The following MDK variants were observed in gnomAD, a reference collection of about 807,000 sequenced individuals.
The protein encoded by MDK is amphiregulin-associated protein.
Under a neutral mutation model 18.9 loss-of-function variants are expected in MDK, and 17 were observed. The observed-to-expected ratio is 0.90, with a 90% CI of 0.62 to 1.35. The LOEUF (loss-of-function observed/expected upper bound fraction) is 1.35. Ranked by LOEUF, MDK falls within the 40% of genes most tolerant of loss-of-function variation. The pLI is 0.00. For missense variants in MDK, 180 were observed against 186.3 expected, an observed-to-expected ratio of 0.97 and a Z score of 0.20; for synonymous variants, 86 against 74.3, an observed-to-expected ratio of 1.16 and a Z score of -0.81.
chr11:46,382,415 G>C lies in MDK; in HGVS notation c.198G>C (p.Gln66His). The C allele has an allele frequency of 6.5e-7, 1 of 1,541,146 alleles. No individual in the cohort carries two copies. The highest frequency in any genetic ancestry group is 1.2e-5 in the South Asian group (1 of 80,382). ...FREGTCGAQTQRIRCRVPCNW... is the reference protein window; with the variant it reads ...FREGTCGAQTHRIRCRVPCNW... ...AGGGCACCTGCGGGGCCCAGACCCA[G>C]CGCATCCGGTGCAGGGTGCCCTGCA... is the stretch of plus-strand genomic sequence containing the variant. Residue 66 changes from glutamine (Q) to histidine (H), a missense_variant, in exon 3 of 5, where the codon CAG (glutamine) becomes CAC (histidine). Physicochemically the swap from Gln to His is conservative, Grantham distance 24. Coordinates refer to ENST00000395566, the MANE Select transcript of MDK (RefSeq NM_002391.6).
At chr11:46,382,857 G>A in intron 4 of MDK, 109 bp downstream of exon 4, 2 of 1,308,190 alleles carry the variant, frequency 1.5e-6, no homozygotes, top group Non-Finnish European at 2.1e-6. Flanking sequence ...GTCCTGGCCA[G>A]TGGCTTCCTG....
Position 46,382,474 on chromosome 11 carries a change from GCAGT to G in MDK, c.244+17_244+20del, listed in dbSNP as rs1945236811. On this transcript the variant is annotated intron_variant, in intron 3 of 4. Coordinates refer to ENST00000395566, the MANE Select transcript of MDK (RefSeq NM_002391.6). ...AAGGAGTTTGGAGGTGAGGCGGGGC[GCAGT>G]CAGAGGGCAGGAGACGGGGGGCACA... 1 of 1,519,098 alleles carries G rather than the reference GCAGT, an allele frequency of 6.6e-7. No individual in the cohort carries two copies. The highest frequency in any genetic ancestry group is 1.4e-5 in the African/African-American group (1 of 72,600). 94.1% of individuals were successfully genotyped at this position (1,519,098 alleles called of 1,614,324 possible). A position where few individuals can be genotyped will look rare whatever the true frequency, so the allele number is the denominator to read the frequency against.
At position 46,383,405 on chromosome 11, in the gene MDK, G is replaced by C. The variant is rs1034148933; in HGVS notation, c.407-64G>C. The C allele has an allele frequency of 8.4e-6, 11 of 1,315,796 alleles. No individual in the cohort carries two copies. The East Asian group carries it at 9.4e-5, about 11-fold the overall frequency. 81.5% of individuals were successfully genotyped at this position (1,315,796 alleles called of 1,614,324 possible). ...CTGATGCCCGGGTGTTTGTGGAGCC[G>C]GCGGTCTGCAATGGGTCAGCCTAAC... is the stretch of plus-strand genomic sequence containing the variant. On this transcript the variant is annotated intron_variant, in intron 4 of 4. Coordinates refer to ENST00000395566, the MANE Select transcript of MDK (RefSeq NM_002391.6).
In MDK at chr11:46,383,635, T is replaced by A; in HGVS notation, c.*141T>A. 1 of 811,238 alleles carries A rather than the reference T, an allele frequency of 1.2e-6. No homozygotes were observed. Among genetic ancestry groups the A allele is most frequent in the Non-Finnish European group, 2.1e-6 (1 of 473,746 alleles). The allele number at this position is 811,238 out of a possible 1,614,324, so 50.3% of individuals were successfully genotyped here. A position where few individuals can be genotyped will look rare whatever the true frequency, so the allele number is the denominator to read the frequency against. ...AATCAATCATGCCCTGCCTTGTCCC[T>A]CTCACTCCCCAGCCCCACCCCTAAG... is the stretch of plus-strand genomic sequence containing the variant. On this transcript the variant is annotated 3_prime_UTR_variant, in exon 5 of 5. Coordinates refer to ENST00000395566, the MANE Select transcript of MDK (RefSeq NM_002391.6).
Position 46,383,483 on chromosome 11 carries a change from G to T in MDK, c.421G>T (p.Gly141Ter), listed in dbSNP as rs747235575. ...TTGTTTTACAGCCAAGAAAGGGAAG[G>T]GAAAGGACTAGACGCCAAGCCTGGA... ...KAKAKAKKGK[G>*]KD Residue 141 changes from glycine (G) to a stop codon, truncating the protein, a stop_gained, in exon 5 of 5, where the codon GGA (glycine) becomes TGA (stop). Transcript: ENST00000395566. LOFTEE classifies it high-confidence loss of function. 2 of 1,605,030 alleles carry T rather than the reference G, an allele frequency of 1.2e-6. No individual in the cohort carries two copies. The highest frequency in any genetic ancestry group is 8.5e-7 in the Non-Finnish European group (1 of 1,175,182).
In MDK at chr11:46,381,770, G is replaced by A. The variant is rs1439872701; in HGVS notation, c.-2+12G>A. 3 of 285,628 alleles carry A rather than the reference G, an allele frequency of 1.1e-5. No individual in the cohort carries two copies. Among genetic ancestry groups the A allele is most frequent in the Non-Finnish European group, 1.9e-5 (3 of 154,736 alleles). The allele number at this position is 285,628 out of a possible 1,614,324, so 17.7% of individuals were successfully genotyped here. A position where few individuals can be genotyped will look rare whatever the true frequency, so the allele number is the denominator to read the frequency against. On this transcript the variant is annotated intron_variant, in intron 1 of 4. Transcript: ENST00000395566. The stretch of plus-strand genomic sequence containing the variant: ...CGGGCAGCGAGCGAGTGAGCGCGCG[G>A]CGGCCCCTGGTCCGCCCGGCCGCGG...
intron 3 of MDK, 43 bp from the exon 4 acceptor site, chr11:46,382,544 G>A (rs1344404008): frequency 1.1e-5 from 18 of 1,569,628 alleles, no homozygotes; most frequent in Non-Finnish European, 1.5e-5. Flanking sequence ...GGAGGGCGGG[G>A]CCGCGGGCCG....
At chr11:46,381,197 C>G (rs1272540714), upstream of MDK, 2 of 152,380 alleles carry the variant, frequency 1.3e-5, no homozygotes, top group Non-Finnish European at 2.9e-5. Flanking sequence ...GGCCGCGCCC[C>G]CTCCCCAGCA....
chr11:46,380,992 T>A (rs1019471690), upstream of MDK: 14 of 152,492 alleles, frequency 9.2e-5, no homozygotes, highest in Middle Eastern at 3.4e-3. Context: ...AGACGGCTCC[T>A]GTCAGCGCCA....
chr11:46,383,352 C>G lies in MDK; in HGVS notation c.407-117C>G, dbSNP rs1010299914. 6 of 759,246 alleles carry G rather than the reference C, an allele frequency of 7.9e-6. No homozygotes were observed. The African/African-American group carries it at 1.1e-4, about 13-fold the overall frequency. 47.0% of individuals were successfully genotyped at this position (759,246 alleles called of 1,614,324 possible). A position where few individuals can be genotyped will look rare whatever the true frequency, so the allele number is the denominator to read the frequency against. ...TGCTTCCGAGTCAGCTGATTGGAAA[C>G]CACTAGGGGGCAGAATCTTCTCCTT... On this transcript the variant is annotated intron_variant, in intron 4 of 4. Coordinates refer to ENST00000395566, the MANE Select transcript of MDK (RefSeq NM_002391.6).
At chr11:46,382,969 T>C (rs1379793788) in intron 4 of MDK, 1 of 599,816 alleles carries the variant, frequency 1.7e-6, no homozygotes, top group Non-Finnish European at 3.0e-6. Flanking sequence ...CTGGCCCAAA[T>C]AGGGACCAAC....
At chr11:46,382,495 G>C (rs760416643) in intron 3 of MDK, 34 bp downstream of exon 3, 168 of 1,529,410 alleles carry the variant, frequency 1.1e-4, no homozygotes, top group Non-Finnish European at 1.4e-4. Flanking sequence ...GCAGGAGACG[G>C]GGGGCACAGC....
chr11:46,382,064 C>G lies in MDK; in HGVS notation c.7C>G (p.His3Asp). 1 of 1,607,640 alleles carries G rather than the reference C, an allele frequency of 6.2e-7. No homozygotes were observed. Among genetic ancestry groups the G allele is most frequent in the Non-Finnish European group, 8.5e-7 (1 of 1,177,798 alleles). ...CTCGGGCTCTCCCCTCAGGATGCAG[C>G]ACCGAGGCTTCCTCCTCCTCACCCT... MQ[H>D]RGFLLLTLLA... The change falls in exon 2 of 5, where the codon CAC becomes GAC. Residue 3 changes from histidine to aspartate, a missense_variant. Transcript: ENST00000395566.
upstream of MDK, chr11:46,381,438 C>T (rs111790356): frequency 0.094 from 14,210 of 150,976 alleles, 836 homozygotes; most frequent in South Asian, 0.17. Flanking sequence ...GACCACCGCT[C>T]GGAAGATGGG....
chr11:46,382,561 G>C (rs781513243), intron 3 of MDK, 26 bp from the exon 4 acceptor site: 1 of 1,590,708 alleles, frequency 6.3e-7, no homozygotes, highest in African/African-American at 1.3e-5. Context: ...GCCGCGCAGC[G>C]CTGACCTGGG....
chr11:46,383,309 A>G, intron 4 of MDK, 160 bp from the exon 5 acceptor site: 1 of 594,894 alleles, frequency 1.7e-6, no homozygotes, highest in Non-Finnish European at 3.0e-6. Flanking sequence ...TCCACATCAC[A>G]ATGGCTGCCC....
chr11:46,381,715 G>C lies in MDK; in HGVS notation c.-45G>C. ...GGGGCCGCGGCGGCCGGAGCGGGACGGGCCCGGCGCGGGAGGGAGCGAAGC... is the reference window on the plus strand; with the variant it reads ...GGGGCCGCGGCGGCCGGAGCGGGACCGGCCCGGCGCGGGAGGGAGCGAAGC... On this transcript the variant is annotated 5_prime_UTR_variant, in exon 1 of 5. Transcript: ENST00000395566. 1 of 176,236 alleles carries C rather than the reference G, an allele frequency of 5.7e-6. No homozygotes were observed. Among genetic ancestry groups the C allele is most frequent in the Non-Finnish European group, 1.2e-5 (1 of 84,624 alleles). 10.9% of individuals were successfully genotyped at this position (176,236 alleles called of 1,614,324 possible). A position where few individuals can be genotyped will look rare whatever the true frequency, so the allele number is the denominator to read the frequency against.
At chr11:46,382,790 G>GGGGGGGGGGGCGCC in intron 4 of MDK, 42 bp downstream of exon 4, 1 of 985,982 alleles carries the variant, frequency 1.0e-6, no homozygotes, top group South Asian at 1.7e-5. Context: ...GCGGGGGGCT[G>GGGGGGGGGGGCGCC]CCCCCCCCCC....
chr11:46,382,800 C>CCCCG (rs1945259979), intron 4 of MDK, 52 bp downstream of exon 4: 2 of 1,522,982 alleles, frequency 1.3e-6, no homozygotes, highest in African/African-American at 3.0e-5. Flanking sequence ...GCCCCCCCCC[C>CCCCG]CCCCCGCCTG....
Sources: gnomAD v4.1 joint callset for allele counts on GRCh38, gnomAD v4.1.1 for gene constraint, MANE v1.5 for transcripts, NCBI Gene and HGNC (gene_info 2026-07-23, HGNC 2026-07-21) for gene names.